The following ADSS2 variants were observed in gnomAD, a reference collection of about 807,000 sequenced individuals.
ADSS2 encodes the protein adenylosuccinate synthetase isozyme 2.
A neutral mutation model predicts 60.0 loss-of-function variants in ADSS2; 30 were observed. The observed-to-expected ratio is 0.50, with a 90% CI of 0.37 to 0.68. The LOEUF (loss-of-function observed/expected upper bound fraction) is 0.68. Among genes scored for constraint, ADSS2 ranks in the 30% least tolerant of loss-of-function variants. The pLI, the probability that ADSS2 is intolerant of heterozygous loss-of-function variation, is 0.00. For synonymous variants in ADSS2, 187 were observed against 193.1 expected (o/e 0.97, Z 0.26); for missense variants, 373 against 554.8 (o/e 0.67, Z 3.29).
At chr1:244,439,733 T>C (rs1453072512) in intron 1 of ADSS2, among the ~76,000 whole-genome samples, 1 of 152,180 alleles carries the variant, frequency 6.6e-6, no homozygotes, top group Non-Finnish European at 1.5e-5. Context: ...CCAAGAACTG[T>C]AGTCTTTGTG....
chr1:244,443,218 T>G (rs372064489), intron 1 of ADSS2, among the ~76,000 whole-genome samples: 4 of 152,184 alleles, frequency 2.6e-5, no homozygotes, highest in African/African-American at 9.7e-5. Flanking sequence ...CAATCCAAAT[T>G]TTCCACAAAC....
At chr1:244,426,542 C>CA (rs899332975) in intron 4 of ADSS2, among the ~76,000 whole-genome samples, 5 of 151,598 alleles carry the variant, frequency 3.3e-5, no homozygotes, top group African/African-American at 9.7e-5. Flanking sequence ...ATACTGCAAA[C>CA]AAAAAAAACC....
chr1:244,409,937 T>C (rs1664374465), intron 12 of ADSS2, among the ~76,000 whole-genome samples: 3 of 152,314 alleles, frequency 2.0e-5, no homozygotes, highest in African/African-American at 7.2e-5. Context: ...CTACAGAAAG[T>C]TGGTGATCAA....
chr1:244,425,158 T>C (rs1664775630), intron 4 of ADSS2, among the ~76,000 whole-genome samples: 1 of 152,218 alleles, frequency 6.6e-6, no homozygotes, highest in African/African-American at 2.4e-5. Flanking sequence ...CTAGTTGATT[T>C]CCGGTGCAAA....
intron 3 of ADSS2, among the ~76,000 whole-genome samples, chr1:244,435,168 CAAAAAAAAAA>C (rs60576167): frequency 6.2e-4 from 32 of 51,746 alleles, no homozygotes; most frequent in African/African-American, 2.0e-3. Context: ...ACTCCGTCTC[CAAAAAAAAAA>C]AAAAAAAAAA....
At chr1:244,416,180 A>G (rs903629524) in intron 10 of ADSS2, 102 bp from the exon 11 acceptor site, 11 of 750,280 alleles carry the variant, frequency 1.5e-5, no homozygotes, top group Non-Finnish European at 2.2e-5. Context: ...TGCAAAGCTT[A>G]AAGTTCTAAA....
At chr1:244,434,198 T>C (rs1354627028) in intron 3 of ADSS2, among the ~76,000 whole-genome samples, 2 of 143,982 alleles carry the variant, frequency 1.4e-5, no homozygotes, top group Non-Finnish European at 3.1e-5. Context: ...AAAAAAAAAA[T>C]TAAAAAACCT....
rs1171048550 is a variant in ADSS2 at position 244,420,243 on chromosome 1, A to G, written c.717T>C (p.Tyr239=). 6 of 1,613,600 alleles carry G rather than the reference A, an allele frequency of 3.7e-6. No individual in the cohort carries two copies. The highest frequency in any genetic ancestry group is 5.1e-6 in the Non-Finnish European group (6 of 1,179,754). The change falls in exon 8 of 13, where the codon TAT becomes TAC. Residue 239 remains tyrosine (Y), a synonymous_variant. Transcript: ENST00000366535. ...TCTTTGGTGGTCCATGTAGGGCCTCATATAGAAAATAAACTCCATCTCTCA... is the reference window on the plus strand; with the variant it reads ...TCTTTGGTGGTCCATGTAGGGCCTCGTATAGAAAATAAACTCCATCTCTCA... ...PMVRDGVYFL[Y]EALHGPPKKI...
chr1:244,415,957 T>C (rs1218559042), intron 11 of ADSS2, 24 bp downstream of exon 11: 4 of 1,472,392 alleles, frequency 2.7e-6, no homozygotes, highest in Non-Finnish European at 3.8e-6. Flanking sequence ...TAATATCCTT[T>C]AGATATTGCC....
chr1:244,411,487 A>G (rs373198746), intron 11 of ADSS2, 51 bp from the exon 12 acceptor site: 1 of 1,545,370 alleles, frequency 6.5e-7, no homozygotes, highest in African/African-American at 1.4e-5. Context: ...TTACTGTCAA[A>G]CAACTTTTTG....
chr1:244,428,650 G>C (rs907216179), intron 4 of ADSS2, among the ~76,000 whole-genome samples: 4 of 150,952 alleles, frequency 2.6e-5, no homozygotes, highest in Non-Finnish European at 5.9e-5. Flanking sequence ...TGAACCCAGT[G>C]AAACAGAAAA....
chr1:244,410,497 T>A (rs1289229249), intron 12 of ADSS2, among the ~76,000 whole-genome samples: 1 of 83,738 alleles, frequency 1.2e-5, no homozygotes, highest in Non-Finnish European at 2.4e-5. Flanking sequence ...TAATTATTTT[T>A]AAAAATTTTT....
intron 4 of ADSS2, among the ~76,000 whole-genome samples, chr1:244,430,325 T>A (rs1289649727): frequency 1.3e-5 from 2 of 152,148 alleles, no homozygotes; most frequent in African/African-American, 4.8e-5. Flanking sequence ...CCCAAAGCAA[T>A]TGCAATGAAG....
intron 4 of ADSS2, among the ~76,000 whole-genome samples, chr1:244,425,745 A>G (rs1664789161): frequency 6.6e-6 from 1 of 152,190 alleles, no homozygotes; most frequent in African/African-American, 2.4e-5. Flanking sequence ...GATGCTGTAC[A>G]TACTAATTAG....
At chr1:244,415,309 A>T (rs1664503878) in intron 11 of ADSS2, among the ~76,000 whole-genome samples, 1 of 152,224 alleles carries the variant, frequency 6.6e-6, no homozygotes, top group Non-Finnish European at 1.5e-5. Context: ...ATTGTCCTAC[A>T]ATGGCAGTAG....
intron 1 of ADSS2, among the ~76,000 whole-genome samples, chr1:244,449,606 G>C (rs572909913): frequency 6.6e-6 from 1 of 152,150 alleles, no homozygotes; most frequent in South Asian, 2.1e-4. Flanking sequence ...AATCACAAAA[G>C]AGATAATGCT....
intron 4 of ADSS2, among the ~76,000 whole-genome samples, chr1:244,429,445 T>A (rs1315782116): frequency 6.6e-6 from 1 of 152,220 alleles, no homozygotes; most frequent in Non-Finnish European, 1.5e-5. Flanking sequence ...TACAGAACTG[T>A]CCGTTCAGTG....
At chr1:244,438,138 A>C (rs1009272269) in intron 1 of ADSS2, among the ~76,000 whole-genome samples, 5 of 152,188 alleles carry the variant, frequency 3.3e-5, no homozygotes, top group South Asian at 2.1e-4. Context: ...CACACACACA[A>C]AAAATCTCTT....
chr1:244,419,567 C>CAAAAGCCAATGAAATGTCAGT (rs899278935), intron 8 of ADSS2, among the ~76,000 whole-genome samples: 1 of 152,050 alleles, frequency 6.6e-6, no homozygotes, highest in Non-Finnish European at 1.5e-5. Context: ...TACTTGGAGT[C>CAAAAGCCAATGAAATGTCAGT]AAAAGCCAAT....
Sources: gnomAD v4.1 joint callset for allele counts (sites outside exome capture counted in the v4.1 genomes callset) on GRCh38, gnomAD v4.1.1 for gene constraint, MANE v1.5 for transcripts, NCBI Gene and HGNC (gene_info 2026-07-23, HGNC 2026-07-21) for gene names.